The following RALGPS1 variants were observed in gnomAD, a reference collection of about 807,000 sequenced individuals.
RALGPS1 encodes the protein Ral GEF with PH domain and SH3 binding motif 1.
A neutral mutation model predicts 78.8 loss-of-function variants in RALGPS1; 19 were observed. The ratio of observed to expected loss-of-function variants is 0.24; its 90% CI spans 0.17 to 0.35. The LOEUF is 0.35. Ranked by LOEUF, RALGPS1 falls within the 10% of genes least tolerant of loss-of-function variation. The pLI, the probability that RALGPS1 is intolerant of heterozygous loss-of-function variation, is 1.00. For synonymous variants in RALGPS1, 228 were observed against 256.3 expected (o/e 0.89, Z 1.06); for missense variants, 454 against 688.3 (o/e 0.66, Z 3.81).
chr9:127,146,097 T>A (rs754839914), intron 8 of RALGPS1, among the ~76,000 whole-genome samples: 15 of 152,232 alleles, frequency 9.9e-5, no homozygotes, highest in Non-Finnish European at 1.6e-4. Context: ...TTATTTTAGA[T>A]ATGGGGGTAC....
In RALGPS1 at chr9:127,034,286, C is replaced by T. The variant is rs1041875902; in HGVS notation, c.217-145C>T. The T allele has an allele frequency of 5.7e-6, 4 of 703,922 alleles. No homozygotes were observed. The Admixed American group carries it at 6.3e-5, about 11-fold the overall frequency. 43.6% of individuals were successfully genotyped at this position (703,922 alleles called of 1,614,324 possible). On this transcript the variant is annotated intron_variant, in intron 4 of 18. Coordinates refer to ENST00000259351, the MANE Select transcript of RALGPS1 (RefSeq NM_014636.3). ...TGCACTGTCACCTACAAACCCAGCC[C>T]TTCTCTTCCACCTAGTAAAGATGGG... is the stretch of plus-strand genomic sequence containing the variant.
At chr9:127,126,496 C>G (rs1054118504) in intron 8 of RALGPS1, among the ~76,000 whole-genome samples, 3 of 152,160 alleles carry the variant, frequency 2.0e-5, no homozygotes, top group Non-Finnish European at 4.4e-5. Context: ...CCTTCTAGAA[C>G]CCCATTTACA....
chr9:127,174,553 C>A (rs1385963224), intron 10 of RALGPS1, among the ~76,000 whole-genome samples, 162 bp from the exon 11 acceptor site: 1 of 152,154 alleles, frequency 6.6e-6, no homozygotes, highest in Non-Finnish European at 1.5e-5. Flanking sequence ...TGTTTCTTGG[C>A]TGTGGAAACC....
chr9:127,079,258 G>C (rs546654272), intron 8 of RALGPS1, among the ~76,000 whole-genome samples: 2 of 152,168 alleles, frequency 1.3e-5, no homozygotes, highest in Admixed American at 1.3e-4. Context: ...TTCTACTGAC[G>C]CATTCTTATT....
intron 8 of RALGPS1, chr9:127,087,381 A>G (rs2051881495): frequency 6.6e-6 from 1 of 152,650 alleles, no homozygotes; most frequent in Non-Finnish European, 1.5e-5. Flanking sequence ...GATTCGTGTC[A>G]TTACAAGGAT....
intron 4 of RALGPS1, among the ~76,000 whole-genome samples, chr9:126,978,758 C>T (rs1466554688): frequency 2.0e-5 from 3 of 152,158 alleles, no homozygotes; most frequent in Non-Finnish European, 4.4e-5. Flanking sequence ...TTTACCTCTC[C>T]TTCTCCTGCT....
intron 1 of RALGPS1, among the ~76,000 whole-genome samples, chr9:126,956,154 G>C (rs1238072387): frequency 6.6e-6 from 1 of 152,088 alleles, no homozygotes; most frequent in Non-Finnish European, 1.5e-5. Flanking sequence ...GTTCCTAGGA[G>C]AACCAGGGGG....
At chr9:127,078,550 G>A (rs2050885706) in intron 8 of RALGPS1, among the ~76,000 whole-genome samples, 1 of 152,162 alleles carries the variant, frequency 6.6e-6, no homozygotes, top group South Asian at 2.1e-4. Context: ...ATAAACAGTA[G>A]AAGGAAAACA....
At chr9:127,164,534 C>CTTTTTTTTTTTTTT (rs1160251459) in intron 8 of RALGPS1, among the ~76,000 whole-genome samples, 1 of 62,766 alleles carries the variant, frequency 1.6e-5, no homozygotes, top group Non-Finnish European at 2.7e-5. Flanking sequence ...CATGCCTGGC[C>CTTTTTTTTTTTTTT]TTTTTTTTTT....
chr9:126,967,853 T>A (rs2039680570), intron 3 of RALGPS1, among the ~76,000 whole-genome samples: 1 of 152,128 alleles, frequency 6.6e-6, no homozygotes, highest in African/African-American at 2.4e-5. Context: ...AATAATAAAT[T>A]TAAATTGCAT....
At chr9:127,142,093 G>A (rs1006298578) in intron 8 of RALGPS1, among the ~76,000 whole-genome samples, 5 of 152,210 alleles carry the variant, frequency 3.3e-5, no homozygotes, top group Admixed American at 6.5e-5. Context: ...AACATTCTGG[G>A]AGAAAATACA....
chr9:127,146,319 C>T (rs552333943), intron 8 of RALGPS1, among the ~76,000 whole-genome samples: 38 of 152,238 alleles, frequency 2.5e-4, no homozygotes, highest in African/African-American at 8.9e-4. Flanking sequence ...TGAGAACATG[C>T]GGTATTTGCT....
At chr9:127,047,713 A>AG (rs1554805942) in intron 5 of RALGPS1, among the ~76,000 whole-genome samples, 2 of 151,244 alleles carry the variant, frequency 1.3e-5, no homozygotes, top group African/African-American at 4.8e-5. Flanking sequence ...AAAAAAAAAA[A>AG]GGAAAAAAAG....
intron 4 of RALGPS1, among the ~76,000 whole-genome samples, chr9:126,982,742 C>T (rs1338082339): frequency 6.6e-6 from 1 of 151,422 alleles, no homozygotes; most frequent in Non-Finnish European, 1.5e-5. Flanking sequence ...AGTTCCCCTT[C>T]CTCTCCTTCT....
chr9:127,029,762 C>T (rs991586531), intron 4 of RALGPS1, among the ~76,000 whole-genome samples: 6 of 152,234 alleles, frequency 3.9e-5, no homozygotes, highest in Admixed American at 3.3e-4. Flanking sequence ...CCCCAGTCTC[C>T]TTTCCCAAGG....
chr9:126,924,046 C>G (rs916358389), intron 1 of RALGPS1, among the ~76,000 whole-genome samples: 3 of 152,196 alleles, frequency 2.0e-5, no homozygotes, highest in African/African-American at 7.2e-5. Context: ...TGAGTCTACT[C>G]TTTCCACTTT....
At chr9:127,004,304 C>A (rs1385876321) in intron 4 of RALGPS1, among the ~76,000 whole-genome samples, 6 of 152,208 alleles carry the variant, frequency 3.9e-5, no homozygotes, top group African/African-American at 1.4e-4. Context: ...CGCCACCACA[C>A]CCGGCCAATT....
chr9:126,979,671 A>G (rs2041059512), intron 4 of RALGPS1, among the ~76,000 whole-genome samples: 1 of 152,236 alleles, frequency 6.6e-6, no homozygotes, highest in Non-Finnish European at 1.5e-5. Context: ...CTTCAGAGGC[A>G]TAGCCAAGGC....
intron 8 of RALGPS1, among the ~76,000 whole-genome samples, chr9:127,143,349 C>G (rs949118639): frequency 1.3e-5 from 2 of 152,234 alleles, no homozygotes. Flanking sequence ...CACCACAACC[C>G]TGCTAGCTTT....
Sources: allele counts gnomAD v4.1 joint callset (sites outside exome capture counted in the v4.1 genomes callset), GRCh38; gene constraint gnomAD v4.1.1; transcripts MANE v1.5; gene names NCBI Gene and HGNC (gene_info 2026-07-23, HGNC 2026-07-21).